Variants in ALDH1A2 observed in about 807,000 individuals in gnomAD.
ALDH1A2 encodes the protein retinal dehydrogenase 2.
Under a neutral mutation model 60.3 loss-of-function variants are expected in ALDH1A2, and 27 were observed. That is an observed-to-expected ratio of 0.45 (90% CI 0.33 to 0.62). The LOEUF (loss-of-function observed/expected upper bound fraction) is 0.62. Ranked by LOEUF, ALDH1A2 falls within the 20% of genes least tolerant of loss-of-function variation. ALDH1A2 has a pLI of 0.02. For synonymous variants in ALDH1A2, 289 were observed against 232.4 expected, an observed-to-expected ratio of 1.24 and a Z score of -2.21; for missense variants, 581 against 643.8, an observed-to-expected ratio of 0.90 and a Z score of 1.06.
intron 11 of ALDH1A2, 40 bp from the exon 12 acceptor site, chr15:57,960,884 T>C (rs1893695416): frequency 1.9e-6 from 3 of 1,566,078 alleles, no homozygotes; most frequent in Non-Finnish European, 2.6e-6. Context: ...TCGTGTGAAG[T>C]CTGAGCACAT....
chr15:57,996,217 C>T (rs1895054719), intron 4 of ALDH1A2, among the ~76,000 whole-genome samples: 1 of 151,980 alleles, frequency 6.6e-6, no homozygotes, highest in African/African-American at 2.4e-5. Context: ...TCTCAACACA[C>T]CTAAATCACA....
intron 4 of ALDH1A2, among the ~76,000 whole-genome samples, chr15:58,001,651 T>C (rs1041377126): frequency 3.3e-5 from 5 of 151,922 alleles, no homozygotes; most frequent in Non-Finnish European, 7.4e-5. Context: ...ATGCTAACAA[T>C]GGTCTCTCAG....
At chr15:57,970,193 A>G (rs1894016859) in intron 7 of ALDH1A2, among the ~76,000 whole-genome samples, 1 of 152,238 alleles carries the variant, frequency 6.6e-6, no homozygotes, top group Admixed American at 6.5e-5. Context: ...TGAATGATGG[A>G]AAAACCTCAT....
intron 1 of ALDH1A2, among the ~76,000 whole-genome samples, chr15:58,060,219 C>T (rs1896989822): frequency 6.6e-6 from 1 of 152,150 alleles, no homozygotes; most frequent in Non-Finnish European, 1.5e-5. Context: ...CTGCGCCTGG[C>T]CAGTTGATCA....
At chr15:57,990,700 C>T (rs1208377146) in intron 7 of ALDH1A2, 3 of 151,800 alleles carry the variant, frequency 2.0e-5, no homozygotes, top group Admixed American at 6.6e-5. Flanking sequence ...CATGGCAAAA[C>T]CCCCGTCTCT....
intron 7 of ALDH1A2, among the ~76,000 whole-genome samples, chr15:57,972,172 G>A (rs543913921): frequency 2.0e-5 from 3 of 152,150 alleles, no homozygotes; most frequent in Non-Finnish European, 2.9e-5. Context: ...ACTCACAGAG[G>A]TCAAGAAATG....
chr15:58,040,616 T>C (rs1406856785), intron 1 of ALDH1A2, among the ~76,000 whole-genome samples: 1 of 151,916 alleles, frequency 6.6e-6, no homozygotes, highest in East Asian at 1.9e-4. Flanking sequence ...AACTTGAACC[T>C]TTCCTCTCAA....
At chr15:57,976,095 G>A (rs1014745558) in intron 7 of ALDH1A2, among the ~76,000 whole-genome samples, 4 of 152,118 alleles carry the variant, frequency 2.6e-5, no homozygotes, top group Non-Finnish European at 4.4e-5. Flanking sequence ...GCAGACTACT[G>A]GCAGTAGTTG....
At chr15:57,989,724 CA>C (rs1894830553) in intron 7 of ALDH1A2, among the ~76,000 whole-genome samples, 1 of 151,854 alleles carries the variant, frequency 6.6e-6, no homozygotes, top group Non-Finnish European at 1.5e-5. Context: ...AGATGAGTTG[CA>C]AAGGGGTAGA....
At chr15:58,033,850 A>T (rs866043611) in intron 1 of ALDH1A2, among the ~76,000 whole-genome samples, 2 of 146,092 alleles carry the variant, frequency 1.4e-5, no homozygotes, top group Non-Finnish European at 1.5e-5. Flanking sequence ...ATTTTTCTGT[A>T]TTTTTTTTTT....
intron 7 of ALDH1A2, among the ~76,000 whole-genome samples, chr15:57,985,274 C>A (rs1300262932): frequency 6.6e-6 from 1 of 152,152 alleles, no homozygotes; most frequent in East Asian, 1.9e-4. Flanking sequence ...CTAACACTGC[C>A]CTTTCTTCCC....
chr15:58,017,029 G>C (rs1294737118), intron 1 of ALDH1A2, among the ~76,000 whole-genome samples: 2 of 152,140 alleles, frequency 1.3e-5, no homozygotes, highest in Non-Finnish European at 2.9e-5. Flanking sequence ...CAGAGACAGA[G>C]CACTTGAGAT....
Position 58,013,941 on chromosome 15 carries a change from A to G in ALDH1A2, c.280T>C (p.Trp94Arg). The G allele has an allele frequency of 6.2e-7, 1 of 1,614,094 alleles. No individual in the cohort carries two copies. The highest frequency in any genetic ancestry group is 1.1e-5 in the South Asian group (1 of 91,080). Residue 94 changes from tryptophan to arginine, a missense_variant, in exon 3 of 13, where the codon TGG becomes CGG. By Grantham distance (101) the Trp-to-Arg change is moderately radical. Coordinates refer to ENST00000249750, the MANE Select transcript of ALDH1A2 (RefSeq NM_003888.4). ...CTTTCTGAAGCATCCATCCTTCTCC[A>G]CACTGAACCAAGAGAGAAAGCCAGG... ...ARLAFSLGSV[W>R]RRMDASERGR...
chr15:58,054,720 T>A (rs1280045634), intron 1 of ALDH1A2, among the ~76,000 whole-genome samples: 1 of 151,978 alleles, frequency 6.6e-6, no homozygotes, highest in Non-Finnish European at 1.5e-5. Flanking sequence ...CCCAAGTCAA[T>A]CTTAACAGCC....
Position 57,955,098 on chromosome 15 carries a change from G to A in ALDH1A2, c.*99C>T, listed in dbSNP as rs1458032823. On this transcript the variant is annotated 3_prime_UTR_variant, in exon 13 of 13. Transcript: ENST00000249750. ...GTTATCTTTTCAATCTTTAAGTAAG[G>A]ACCGTGGCTCAACTTTGTATTCCTG... 7 of 1,252,350 alleles carry A rather than the reference G, an allele frequency of 5.6e-6. No individual in the cohort carries two copies. In the East Asian group the frequency reaches 1.4e-4, roughly 25 times the overall value. 77.6% of individuals were successfully genotyped at this position (1,252,350 alleles called of 1,614,324 possible).
intron 1 of ALDH1A2, among the ~76,000 whole-genome samples, chr15:58,015,402 A>G (rs917342946): frequency 3.9e-5 from 6 of 152,228 alleles, no homozygotes; most frequent in Admixed American, 2.6e-4. Flanking sequence ...TGATTAAACT[A>G]TAACTTTCTT....
intron 7 of ALDH1A2, among the ~76,000 whole-genome samples, chr15:57,986,027 G>A (rs1348902204): frequency 6.6e-6 from 1 of 152,096 alleles, no homozygotes; most frequent in Admixed American, 6.6e-5. Context: ...AACTGTAAAG[G>A]TGATCTGCAT....
At position 58,036,356 on chromosome 15, in the gene ALDH1A2, T is replaced by TAATGACAG. The variant is rs1326166572; in HGVS notation, c.118-22083_118-22076dup. ...CATATTTATCCAAGATCTAGATGCA[T>TAATGACAG]AATGACAGAAAGACACTGGGCAGCA... On this transcript the variant is annotated intron_variant, in intron 1 of 12. Coordinates refer to ENST00000249750, the MANE Select transcript of ALDH1A2 (RefSeq NM_003888.4). Among the ~76,000 whole-genome samples, 220 of 151,730 alleles carry TAATGACAG rather than the reference T, an allele frequency of 1.4e-3. 1 individual carries two copies. Among genetic ancestry groups the TAATGACAG allele is most frequent in the African/African-American group, 5.0e-3 (209 of 41,518 alleles).
At chr15:58,065,377 G>A in intron 1 of ALDH1A2, 157 bp downstream of exon 1, 1 of 757,966 alleles carries the variant, frequency 1.3e-6, no homozygotes, top group Non-Finnish European at 2.3e-6. Context: ...CCCCAGTCCC[G>A]AAGACAGGCA....
Sources: allele counts gnomAD v4.1 joint callset (sites outside exome capture counted in the v4.1 genomes callset), GRCh38; gene constraint gnomAD v4.1.1; transcripts MANE v1.5; gene names NCBI Gene and HGNC (gene_info 2026-07-23, HGNC 2026-07-21).